Variants in P2RX2 observed in about 807,000 individuals in gnomAD.
P2RX2 encodes the protein purinergic receptor P2X 2.
A neutral mutation model predicts 54.8 loss-of-function variants in P2RX2; 50 were observed. The observed-to-expected ratio is 0.91, with a 90% CI of 0.73 to 1.15. The LOEUF is 1.15. Ranked by LOEUF, P2RX2 falls within the 50% of genes most tolerant of loss-of-function variation. The probability of loss-of-function intolerance (pLI) is 0.00; values close to 1 mark genes in which losing one functional copy is unlikely to be tolerated. For missense variants in P2RX2, 658 were observed against 633.2 expected (o/e 1.04, Z -0.42); for synonymous variants, 289 against 259.4 (o/e 1.11, Z -1.09).
In P2RX2 at chr12:132,620,372, G is replaced by T. The variant is rs766702158; in HGVS notation, c.635+25G>T. ...AGTAAGAGCCGCGGGGTGTGGTGAC[G>T]GCCCAGCCTGAGGGCTGCCTTCTGG... On this transcript the variant is annotated intron_variant, in intron 6 of 10. Transcript: ENST00000643471. 5.6e-6 allele frequency: 9 copies of T among 1,613,700 alleles called. No individual in the cohort carries two copies. In the South Asian group the frequency reaches 7.7e-5, roughly 14 times the overall value.
intron 1 of P2RX2, 55 bp from the exon 2 acceptor site, chr12:132,619,384 C>T (rs1362058710): frequency 2.5e-6 from 4 of 1,599,618 alleles, no homozygotes; most frequent in African/African-American, 1.3e-5. Context: ...TGCCTGCGGG[C>T]GGGACTCAGC....
Position 132,619,381 on chromosome 12 carries a change from G to T in P2RX2, c.174-58G>T, listed in dbSNP as rs758830665. 17 of 1,598,914 alleles carry T rather than the reference G, an allele frequency of 1.1e-5. No individual in the cohort carries two copies. The South Asian group carries it at 1.9e-4, about 18-fold the overall frequency. ...GCGGGAGGGCCCCTGCCGTGCCTGC[G>T]GGCGGGACTCAGCCTTCCCAGGGTC... On this transcript the variant is annotated intron_variant, in intron 1 of 10. Transcript: ENST00000643471.
intron 7 of P2RX2, 37 bp from the exon 8 acceptor site, chr12:132,620,964 G>A (rs1251563995): frequency 6.3e-7 from 1 of 1,594,006 alleles, no homozygotes; most frequent in South Asian, 1.1e-5. Context: ...CCTCTCGTGT[G>A]CCCTCCTGAC....
In P2RX2 at chr12:132,620,107, G is replaced by A. The variant is rs370531540; in HGVS notation, c.554+11G>A. 2 of 1,558,850 alleles carry A rather than the reference G, an allele frequency of 1.3e-6. No homozygotes were observed. The highest frequency in any genetic ancestry group is 2.4e-5 in the East Asian group (1 of 42,336). On this transcript the variant is annotated intron_variant, in intron 5 of 10. Transcript: ENST00000643471. ...TGGGGCCTCTGTCAGGTGCACCTGC[G>A]CCCCGGCCTGGGGCCCAGCCTCCCC... is the stretch of plus-strand genomic sequence containing the variant.
rs1009088993 is a variant in P2RX2 at position 132,621,364 on chromosome 12, G to T, written c.996+19G>T. ...TGGACAGGTGCCTGCACCTGCTGGG[G>T]GTGGGTGGCCAGCCCTGCTAGCCTG... On this transcript the variant is annotated intron_variant, in intron 9 of 10. Transcript: ENST00000643471. 1 of 1,613,754 alleles carries T rather than the reference G, an allele frequency of 6.2e-7. No individual in the cohort carries two copies. The highest frequency in any genetic ancestry group is 1.7e-5 in the Admixed American group (1 of 59,994).
rs2041503843 is a variant in P2RX2, at chr12:132,619,046, ATTGGGGGC to A, written c.173+58_173+65del. The stretch of plus-strand genomic sequence containing the variant: ...TGCGGGGCGCAGGGGAGGGGCTGGG[ATTGGGGGC>A]GCTGGGCTGGAGGCGCGGGGCTGGG... On this transcript the variant is annotated intron_variant, in intron 1 of 10. Coordinates refer to ENST00000643471, the MANE Select transcript of P2RX2 (RefSeq NM_170682.4). The A allele has an allele frequency of 2.3e-4, 127 of 553,618 alleles. 5 individuals carry two copies. Among genetic ancestry groups the A allele is most frequent in the Non-Finnish European group, 2.9e-4 (125 of 427,160 alleles). 34.3% of individuals were successfully genotyped at this position (553,618 alleles called of 1,614,324 possible).
intron 2 of P2RX2, 44 bp downstream of exon 2, chr12:132,619,618 C>T: frequency 6.3e-7 from 1 of 1,593,722 alleles, no homozygotes; most frequent in Non-Finnish European, 8.6e-7. Flanking sequence ...GCACCCTACC[C>T]TAGTGGGCGG....
chr12:132,620,424 C>T (rs1343164635), intron 6 of P2RX2, 21 bp from the exon 7 acceptor site: 2 of 1,613,954 alleles, frequency 1.2e-6, no homozygotes, highest in African/African-American at 2.7e-5. Context: ...GTGCAGGTCT[C>T]GCCTCCTGCC....
rs1286367250 is a variant in P2RX2 at position 132,618,856 on chromosome 12, G to C, written c.40G>C (p.Ala14Pro). 7.3e-7 allele frequency: 1 copy of C among 1,365,186 alleles called. No homozygotes were observed. Among genetic ancestry groups the C allele is most frequent in the Admixed American group, 2.9e-5 (1 of 34,050 alleles). The allele number at this position is 1,365,186 out of a possible 1,614,324, so 84.6% of individuals were successfully genotyped here. A position where few individuals can be genotyped will look rare whatever the true frequency, so the allele number is the denominator to read the frequency against. The change falls in exon 1 of 11, where the codon GCC (alanine) becomes CCC (proline). Residue 14 changes from alanine to proline, a missense_variant. Physicochemically the swap from Ala to Pro is conservative, Grantham distance 27 (BLOSUM62 -1). Transcript: ENST00000643471. ...AQPKYPAGATARRLARGCWSA... is the reference protein window; with the variant it reads ...AQPKYPAGATPRRLARGCWSA... ...GCCCAAGTACCCCGCCGGGGCGACC[G>C]CCCGGCGCCTGGCCCGGGGCTGCTG...
Position 132,619,838 on chromosome 12 carries a change from C to A in P2RX2, c.382-6C>A. ...GGGGTCCCTGACTGGGCCGCCTCCACCCTAGAGCATAAGGGTCCACAACGC... is the reference window on the plus strand; with the variant it reads ...GGGGTCCCTGACTGGGCCGCCTCCAACCTAGAGCATAAGGGTCCACAACGC... On this transcript the variant is annotated splice_polypyrimidine_tract_variant and splice_region_variant and intron_variant, in intron 3 of 10. Coordinates refer to ENST00000643471, the MANE Select transcript of P2RX2 (RefSeq NM_170682.4). The A allele has an allele frequency of 3.1e-6, 5 of 1,611,150 alleles. No individual in the cohort carries two copies. Among genetic ancestry groups the A allele is most frequent in the Non-Finnish European group, 4.2e-6 (5 of 1,179,454 alleles).
Position 132,622,273 on chromosome 12 carries a change from C to T in P2RX2, c.*301C>T, listed in dbSNP as rs996737238. On this transcript the variant is annotated 3_prime_UTR_variant, in exon 11 of 11. Coordinates refer to ENST00000643471, the MANE Select transcript of P2RX2 (RefSeq NM_170682.4). ...AGCTCTGAGGGGCTCTGCTCCCGGT[C>T]TTGGGCCCTGGGAACCCCACCCCAC... The T allele has an allele frequency of 3.1e-6, 4 of 1,308,564 alleles. No individual in the cohort carries two copies. The highest frequency in any genetic ancestry group is 3.9e-6 in the Non-Finnish European group (4 of 1,027,348). The allele number at this position is 1,308,564 out of a possible 1,614,324, so 81.1% of individuals were successfully genotyped here.
At chr12:132,621,581 C>T (rs746294218) in intron 10 of P2RX2, 38 bp from the exon 11 acceptor site, 1 of 1,604,964 alleles carries the variant, frequency 6.2e-7, no homozygotes, top group Non-Finnish European at 8.5e-7. Context: ...TGCGGGGGGT[C>T]CACCAGGCCC....
rs779722185 is a variant in P2RX2 at position 132,621,771 on chromosome 12, A to T, written c.1215A>T (p.Glu405Asp). ...LARVLGQAPPEPGHRSEDQHP... is the reference protein window; with the variant it reads ...LARVLGQAPPDPGHRSEDQHP... ...GTGTATTGGGCCAGGCCCCTCCCGA[A>T]CCCGGCCACCGCTCCGAGGACCAGC... Residue 405 changes from glutamate to aspartate, a missense_variant, in exon 11 of 11, where the codon GAA becomes GAT. Coordinates refer to ENST00000643471, the MANE Select transcript of P2RX2 (RefSeq NM_170682.4). 1 of 1,600,704 alleles carries T rather than the reference A, an allele frequency of 6.2e-7. No individual in the cohort carries two copies. The highest frequency in any genetic ancestry group is 1.7e-5 in the Admixed American group (1 of 59,198).
Position 132,618,909 on chromosome 12 carries a change from CA to C in P2RX2, c.95del (p.Lys32ArgfsTer2). The C allele has an allele frequency of 7.4e-7, 1 of 1,352,244 alleles. No individual in the cohort carries two copies. The highest frequency in any genetic ancestry group is 9.6e-7 in the Non-Finnish European group (1 of 1,044,992). The allele number at this position is 1,352,244 out of a possible 1,614,324, so 83.8% of individuals were successfully genotyped here. A position where few individuals can be genotyped will look rare whatever the true frequency, so the allele number is the denominator to read the frequency against. On this transcript the variant is annotated frameshift_variant, in exon 1 of 11. Coordinates refer to ENST00000643471, the MANE Select transcript of P2RX2 (RefSeq NM_170682.4). LOFTEE classifies it high-confidence loss of function. ...CCGCCCTCTGGGACTACGAGACGCC[CA>C]AGGTGATCGTGGTGAGGAACCGGCG... The part of the protein sequence containing the change: ...WSALWDYETP[K>X]VIVVRNRRLG...
Position 132,622,171 on chromosome 12 carries a change from C to T in P2RX2, c.*199C>T, listed in dbSNP as rs2138407640. On this transcript the variant is annotated 3_prime_UTR_variant, in exon 11 of 11. Transcript: ENST00000643471. ...CCACCCTGGCATACAGCCCCTGACACCTCCTCCCCAGCTGGTCCCTACAGG... is the reference window on the plus strand; with the variant it reads ...CCACCCTGGCATACAGCCCCTGACATCTCCTCCCCAGCTGGTCCCTACAGG... The T allele has an allele frequency of 7.0e-7, 1 of 1,434,962 alleles. No homozygotes were observed. The highest frequency in any genetic ancestry group is 2.6e-4 in the Middle Eastern group (1 of 3,886). The allele number at this position is 1,434,962 out of a possible 1,614,324, so 88.9% of individuals were successfully genotyped here.
Position 132,621,016 on chromosome 12 carries a change from G to T in P2RX2, c.790G>T (p.Val264Phe), listed in dbSNP as rs776950275. 1 of 1,614,102 alleles carries T rather than the reference G, an allele frequency of 6.2e-7. No individual in the cohort carries two copies. Among genetic ancestry groups the T allele is most frequent in the East Asian group, 2.2e-5 (1 of 44,864 alleles). The change falls in exon 8 of 11, where the codon GTC becomes TTC. Residue 264 changes from valine to phenylalanine, a missense_variant. Val to Phe is a conservative substitution (Grantham distance 50, BLOSUM62 -1). Transcript: ENST00000643471. ...TTCTTGGCAGGGTGGTGTCATCGGG[G>T]TCATTATCAACTGGGACTGTGACCT... ...ELAHKGGVIG[V>F]IINWDCDLDL...
At position 132,620,574 on chromosome 12, in the gene P2RX2, C is replaced by T. The variant is rs758306108; in HGVS notation, c.765C>T (p.Leu255=). Residue 255 remains leucine, a synonymous_variant, in exon 7 of 11, where the codon CTC becomes CTT. Transcript: ENST00000643471. ...AGGCTGGGGAGAGCTTCACAGAGCT[C>T]GCACACAAGGCAGGGCAAGCGCAGG... ...VEKAGESFTE[L]AHKGGVIGVI... is the part of the protein sequence containing the mutation. 3 of 1,613,026 alleles carry T rather than the reference C, an allele frequency of 1.9e-6. No homozygotes were observed. Among genetic ancestry groups the T allele is most frequent in the Admixed American group, 1.7e-5 (1 of 60,032 alleles).
At chr12:132,619,034 G>C (rs1309683301) in intron 1 of P2RX2, 45 bp downstream of exon 1, 1 of 1,058,204 alleles carries the variant, frequency 9.4e-7, no homozygotes, top group African/African-American at 2.0e-5. Context: ...GGGGCGCAGG[G>C]GAGGGGCTGG....
chr12:132,620,149 T>C, intron 5 of P2RX2, 53 bp downstream of exon 5: 2 of 1,510,828 alleles, frequency 1.3e-6, no homozygotes, highest in Non-Finnish European at 9.0e-7. Flanking sequence ...CCTTTTCCCC[T>C]GACCAGAGGC....
Sources: gnomAD v4.1 joint callset for allele counts on GRCh38, gnomAD v4.1.1 for gene constraint, MANE v1.5 for transcripts, NCBI Gene and HGNC (gene_info 2026-07-23, HGNC 2026-07-21) for gene names.